SYT1: variants seen among roughly 807,000 people sequenced by gnomAD.
The protein encoded by SYT1 is synaptotagmin-1.
A neutral mutation model predicts 44.8 loss-of-function variants in SYT1; 8 were observed. The ratio of observed to expected loss-of-function variants is 0.18; its 90% confidence interval spans 0.10 to 0.32. The LOEUF (loss-of-function observed/expected upper bound fraction) is 0.32, where lower values mean the gene tolerates loss of function less well. Ranked by LOEUF, SYT1 falls within the 10% of genes least tolerant of loss-of-function variation. The pLI is 1.00. For missense variants in SYT1, 286 were observed against 509.3 expected (o/e 0.56, Z 4.22); for synonymous variants, 154 against 188.8 (o/e 0.82, Z 1.51).
At chr12:79,170,112 G>A (rs1464963877) in intron 3 of SYT1, among the ~76,000 whole-genome samples, 1 of 152,068 alleles carries the variant, frequency 6.6e-6, no homozygotes, top group African/African-American at 2.4e-5. Flanking sequence ...TGGGCATTTA[G>A]GTTGATTCCA....
chr12:79,179,009 TATATAGATATAG>T (rs1221772899), intron 3 of SYT1, among the ~76,000 whole-genome samples: 4 of 32,310 alleles, frequency 1.2e-4, no homozygotes, highest in African/African-American at 5.5e-4. Flanking sequence ...TAGATATAGA[TATATAGATATAG>T]ATATAGATAT....
chr12:79,279,233 A>T (rs2138803733), intron 4 of SYT1, among the ~76,000 whole-genome samples: 1 of 152,166 alleles, frequency 6.6e-6, no homozygotes, highest in African/African-American at 2.4e-5. Flanking sequence ...ATGAACATAG[A>T]TGCAAAAATT....
At chr12:79,326,373 A>G (rs1478289433) in intron 8 of SYT1, among the ~76,000 whole-genome samples, 1 of 152,222 alleles carries the variant, frequency 6.6e-6, no homozygotes, top group African/African-American at 2.4e-5. Flanking sequence ...ATTTCAAAAT[A>G]TGATCAGGCA....
intron 3 of SYT1, among the ~76,000 whole-genome samples, chr12:79,097,307 C>G (rs966228363): frequency 9.2e-5 from 14 of 151,994 alleles, no homozygotes; most frequent in Admixed American, 6.6e-5. Context: ...CTGAATAGGC[C>G]TAGTCCGTCT....
At chr12:79,043,333 G>A (rs1352137837) in intron 2 of SYT1, among the ~76,000 whole-genome samples, 1 of 151,142 alleles carries the variant, frequency 6.6e-6, no homozygotes, top group Non-Finnish European at 1.5e-5. Context: ...ATATATATTT[G>A]GGATAGTTAG....
chr12:79,253,382 A>G (rs182317304), intron 4 of SYT1, among the ~76,000 whole-genome samples: 2 of 152,022 alleles, frequency 1.3e-5, no homozygotes, highest in African/African-American at 2.4e-5. Flanking sequence ...TGATGTTACT[A>G]TTGTAATTGG....
At chr12:79,424,953 CTTTTTTTTTTT>C (rs398040025) in intron 9 of SYT1, among the ~76,000 whole-genome samples, 1 of 85,254 alleles carries the variant, frequency 1.2e-5, no homozygotes, top group Non-Finnish European at 2.3e-5. Context: ...TTTTCTTCTT[CTTTTTTTTTTT>C]TTTTTTTTGA....
intron 1 of SYT1, among the ~76,000 whole-genome samples, chr12:78,941,394 TACAC>T (rs71441941): frequency 0.27 from 39,279 of 143,446 alleles, 6,092 homozygotes; most frequent in South Asian, 0.46. Flanking sequence ...TAATAGAATC[TACAC>T]ACACACACAC....
intron 3 of SYT1, among the ~76,000 whole-genome samples, chr12:79,052,927 A>T (rs1874623925): frequency 6.6e-6 from 1 of 152,134 alleles, no homozygotes; most frequent in Non-Finnish European, 1.5e-5. Flanking sequence ...AACTAGTTCA[A>T]CCCTTATGGA....
intron 3 of SYT1, among the ~76,000 whole-genome samples, chr12:79,213,458 T>C (rs1280160395): frequency 6.6e-6 from 1 of 152,228 alleles, no homozygotes; most frequent in African/African-American, 2.4e-5. Context: ...TATGACTTAC[T>C]TTCCTCACCT....
At chr12:78,981,877 AT>A (rs1174353540) in intron 2 of SYT1, among the ~76,000 whole-genome samples, 1 of 152,042 alleles carries the variant, frequency 6.6e-6, no homozygotes, top group Non-Finnish European at 1.5e-5. Context: ...ACCATTTCTC[AT>A]TTATTTTCTG....
chr12:79,336,242 C>T (rs1307289662), intron 8 of SYT1, among the ~76,000 whole-genome samples: 1 of 152,016 alleles, frequency 6.6e-6, no homozygotes, highest in Non-Finnish European at 1.5e-5. Flanking sequence ...CCACATAGTC[C>T]CTCTCCAGGC....
At chr12:79,017,669 A>G (rs1401802682) in intron 2 of SYT1, among the ~76,000 whole-genome samples, 4 of 152,072 alleles carry the variant, frequency 2.6e-5, no homozygotes, top group African/African-American at 9.7e-5. Context: ...GAGGTTGGAA[A>G]TATAAAAAGA....
chr12:78,880,098 A>G (rs117490524), intron 1 of SYT1, among the ~76,000 whole-genome samples: 2,483 of 151,760 alleles, frequency 0.016, 27 homozygotes, highest in Non-Finnish European at 0.027. Context: ...ATATATGATT[A>G]TGTATTTATT....
At chr12:78,998,087 T>G (rs1870496751) in intron 2 of SYT1, among the ~76,000 whole-genome samples, 1 of 152,162 alleles carries the variant, frequency 6.6e-6, no homozygotes, top group Non-Finnish European at 1.5e-5. Flanking sequence ...TACAATAATC[T>G]GAAAAGGAAA....
intron 3 of SYT1, among the ~76,000 whole-genome samples, chr12:79,142,268 G>T (rs1332620828): frequency 6.6e-6 from 1 of 152,238 alleles, no homozygotes; most frequent in Non-Finnish European, 1.5e-5. Flanking sequence ...TGCCAGGTAA[G>T]CGTCTCACCT....
intron 1 of SYT1, among the ~76,000 whole-genome samples, chr12:78,880,627 A>T (rs1874402094): frequency 6.6e-6 from 1 of 151,648 alleles, no homozygotes; most frequent in South Asian, 2.1e-4. Flanking sequence ...TCCATTAATT[A>T]GAACAGCTCT....
chr12:79,261,491 T>G (rs983735332), intron 4 of SYT1, among the ~76,000 whole-genome samples: 3 of 152,194 alleles, frequency 2.0e-5, no homozygotes, highest in African/African-American at 7.2e-5. Context: ...TGGTCCAATT[T>G]TCTTTTCCTT....
rs989676290 is a variant in SYT1 at position 79,450,855 on chromosome 12, T to C, written c.*1731T>C. On this transcript the variant is annotated 3_prime_UTR_variant, in exon 11 of 11. Coordinates refer to ENST00000261205, the MANE Select transcript of SYT1 (RefSeq NM_005639.3). Reference sequence around the variant, plus strand: ...CCCACTATGGTAGACAACCATTTCGTGGAAGGGCAGCCTATTATCCCACAC... The same window carrying C: ...CCCACTATGGTAGACAACCATTTCGCGGAAGGGCAGCCTATTATCCCACAC... 2 of 152,682 alleles carry C rather than the reference T, an allele frequency of 1.3e-5. No homozygotes were observed. The highest frequency in any genetic ancestry group is 2.9e-5 in the Non-Finnish European group (2 of 68,054). The allele number at this position is 152,682 out of a possible 1,614,324, so 9.5% of individuals were successfully genotyped here.
Sources: allele counts gnomAD v4.1 joint callset (sites outside exome capture counted in the v4.1 genomes callset), GRCh38; gene constraint gnomAD v4.1.1; transcripts MANE v1.5; gene names NCBI Gene and HGNC (gene_info 2026-07-23, HGNC 2026-07-21).